The following GLIPR2 variants were observed in gnomAD, a reference collection of about 807,000 sequenced individuals.
GLIPR2 encodes the protein GLI pathogenesis related 2.
Under a neutral mutation model 20.4 loss-of-function variants are expected in GLIPR2, and 21 were observed. The observed-to-expected ratio is 1.03, with a 90% CI of 0.73 to 1.48. GLIPR2 has a LOEUF of 1.48. Ranked by LOEUF, GLIPR2 falls within the 40% of genes most tolerant of loss-of-function variation. The pLI is 0.00. For missense variants in GLIPR2, 205 were observed against 200.1 expected (o/e 1.02, Z -0.15); for synonymous variants, 91 against 80.5 (o/e 1.13, Z -0.70).
chr9:36,142,134 G>T (rs1458210214), intron 1 of GLIPR2, among the ~76,000 whole-genome samples: 2 of 152,224 alleles, frequency 1.3e-5, no homozygotes. Flanking sequence ...CTCTTGAGAA[G>T]CCTTCGTTCT....
chr9:36,154,632 G>A (rs1215952639), intron 4 of GLIPR2, among the ~76,000 whole-genome samples: 1 of 152,186 alleles, frequency 6.6e-6, no homozygotes, highest in African/African-American at 2.4e-5. Context: ...AGGAACCTTC[G>A]TTAGTGGACT....
At chr9:36,148,754 G>C in intron 3 of GLIPR2, 104 bp downstream of exon 3, 1 of 737,294 alleles carries the variant, frequency 1.4e-6, no homozygotes, top group Non-Finnish European at 2.4e-6. Context: ...GTAGCCACAG[G>C]CCCAGGAAAG....
In GLIPR2 at chr9:36,156,515, G is replaced by A. The variant is rs192242616; in HGVS notation, c.304+5566G>A. On this transcript the variant is annotated intron_variant, in intron 4 of 4. Transcript: ENST00000377960. Reference sequence around the variant, plus strand: ...ACATTTACACTGTTATGCAATCATCGCCACCATCCATCTCTAGAATTCTTT... The same window carrying A: ...ACATTTACACTGTTATGCAATCATCACCACCATCCATCTCTAGAATTCTTT... Among the ~76,000 whole-genome samples, 7 of 151,042 alleles carry A rather than the reference G, an allele frequency of 4.6e-5. No homozygotes were observed. In the East Asian group the frequency reaches 5.9e-4, roughly 13 times the overall value.
rs1193007190 is a variant in GLIPR2 at position 36,163,543 on chromosome 9, T to G, written c.*1021T>G. 2.6e-5 allele frequency: 4 copies of G among 153,566 alleles called. No homozygotes were observed. Among genetic ancestry groups the G allele is most frequent in the African/African-American group, 9.6e-5 (4 of 41,492 alleles). The allele number at this position is 153,566 out of a possible 1,614,324, so 9.5% of individuals were successfully genotyped here. A position where few individuals can be genotyped will look rare whatever the true frequency, so the allele number is the denominator to read the frequency against. The stretch of plus-strand genomic sequence containing the variant: ...GCTGTGCTCCTGCTCCCTCCTGGAA[T>G]GTGCGACAAGCCCAAATGTTCCGGG... On this transcript the variant is annotated 3_prime_UTR_variant, in exon 5 of 5. Transcript: ENST00000377960.
intron 2 of GLIPR2, among the ~76,000 whole-genome samples, chr9:36,148,166 TG>T: frequency 6.6e-6 from 1 of 152,002 alleles, no homozygotes; most frequent in South Asian, 2.1e-4. Context: ...GAGAATTGCT[TG>T]AACCCGGGAG....
At chr9:36,158,479 C>T (rs143785837) in intron 4 of GLIPR2, among the ~76,000 whole-genome samples, 36 of 152,332 alleles carry the variant, frequency 2.4e-4, no homozygotes, top group African/African-American at 8.4e-4. Context: ...TGACTTTCCT[C>T]CTCCCTCCCT....
At chr9:36,160,420 G>A (rs1381225049) in intron 4 of GLIPR2, among the ~76,000 whole-genome samples, 3 of 152,154 alleles carry the variant, frequency 2.0e-5, no homozygotes, top group Non-Finnish European at 4.4e-5. Context: ...CTGAGCCCTG[G>A]AGGTGGAAGC....
rs1587165505 is a variant in GLIPR2, at chr9:36,162,174, T to TG, written c.305-183dup. On this transcript the variant is annotated intron_variant, in intron 4 of 4. Coordinates refer to ENST00000377960, the MANE Select transcript of GLIPR2 (RefSeq NM_022343.4). ...TGGGTTACAGAGCGAGACTCCATCT[T>TG]GGGGGAAAAAAAAAGAAGTCAGGCA... is the stretch of plus-strand genomic sequence containing the variant. 12 of 1,426,574 alleles carry TG rather than the reference T, an allele frequency of 8.4e-6. No individual in the cohort carries two copies. The South Asian group carries it at 1.1e-4, about 13-fold the overall frequency. 88.4% of individuals were successfully genotyped at this position (1,426,574 alleles called of 1,614,324 possible).
chr9:36,142,990 C>T (rs546241871), intron 1 of GLIPR2, among the ~76,000 whole-genome samples: 1 of 152,284 alleles, frequency 6.6e-6, no homozygotes, highest in South Asian at 2.1e-4. Context: ...AACCCTGGCT[C>T]AGGAGCCTGG....
intron 4 of GLIPR2, among the ~76,000 whole-genome samples, chr9:36,160,375 C>T (rs1467330715): frequency 6.6e-6 from 1 of 152,080 alleles, no homozygotes; most frequent in African/African-American, 2.4e-5. Flanking sequence ...TGCCTGTGGT[C>T]CCAGCTACTC....
chr9:36,148,375 G>A (rs1026446028), intron 2 of GLIPR2, among the ~76,000 whole-genome samples, 172 bp from the exon 3 acceptor site: 3 of 152,104 alleles, frequency 2.0e-5, no homozygotes, highest in African/African-American at 4.8e-5. Context: ...CCTGAGCCTC[G>A]ACTTGTTCCT....
chr9:36,156,403 A>T (rs1005348301), intron 4 of GLIPR2, among the ~76,000 whole-genome samples: 28 of 148,578 alleles, frequency 1.9e-4, no homozygotes, highest in Admixed American at 3.3e-4. Flanking sequence ...AAAAAAAAAA[A>T]AAAAAAAAAG....
In GLIPR2 at chr9:36,162,859, T is replaced by A. The variant is rs1826120438; in HGVS notation, c.*337T>A. The A allele has an allele frequency of 2.1e-6, 1 of 473,486 alleles. No individual in the cohort carries two copies. Among genetic ancestry groups the A allele is most frequent in the Non-Finnish European group, 4.2e-6 (1 of 240,638 alleles). 29.3% of individuals were successfully genotyped at this position (473,486 alleles called of 1,614,324 possible). A position where few individuals can be genotyped will look rare whatever the true frequency, so the allele number is the denominator to read the frequency against. Reference sequence around the variant, plus strand: ...TACTTCTAATATCCATCCCTGGACTTTTTGTATTCCAAATGTTTGTGATGC... The same window carrying A: ...TACTTCTAATATCCATCCCTGGACTATTTGTATTCCAAATGTTTGTGATGC... On this transcript the variant is annotated 3_prime_UTR_variant, in exon 5 of 5. Transcript: ENST00000377960.
chr9:36,146,995 G>C (rs1003200878), intron 1 of GLIPR2, among the ~76,000 whole-genome samples: 1 of 152,162 alleles, frequency 6.6e-6, no homozygotes, highest in African/African-American at 2.4e-5. Context: ...GTAGGTTTCT[G>C]TGTGGGTCCC....
At chr9:36,151,231 A>T (rs1200822224) in intron 4 of GLIPR2, among the ~76,000 whole-genome samples, 1 of 152,160 alleles carries the variant, frequency 6.6e-6, no homozygotes, top group Non-Finnish European at 1.5e-5. Context: ...AGTGTGTCAT[A>T]GGAGACTGGA....
rs1208449790 is a variant in GLIPR2 at position 36,163,393 on chromosome 9, T to G, written c.*871T>G. 6.3e-6 allele frequency: 1 copy of G among 159,388 alleles called. No individual in the cohort carries two copies. Among genetic ancestry groups the G allele is most frequent in the African/African-American group, 2.4e-5 (1 of 41,440 alleles). 9.9% of individuals were successfully genotyped at this position (159,388 alleles called of 1,614,324 possible). A position where few individuals can be genotyped will look rare whatever the true frequency, so the allele number is the denominator to read the frequency against. ...GGGCTCTTGGCCAAGCGGCCTTGGA[T>G]GGATGAAGTCAGAGAGGTGGGGTGA... On this transcript the variant is annotated 3_prime_UTR_variant, in exon 5 of 5. Coordinates refer to ENST00000377960, the MANE Select transcript of GLIPR2 (RefSeq NM_022343.4).
At chr9:36,140,868 C>G (rs1217673071) in intron 1 of GLIPR2, among the ~76,000 whole-genome samples, 1 of 152,156 alleles carries the variant, frequency 6.6e-6, no homozygotes, top group African/African-American at 2.4e-5. Flanking sequence ...GAGAGGAATC[C>G]TGTCCCGCCT....
chr9:36,147,623 C>T (rs915517874), intron 1 of GLIPR2, among the ~76,000 whole-genome samples, 163 bp from the exon 2 acceptor site: 2 of 152,232 alleles, frequency 1.3e-5, no homozygotes, highest in Admixed American at 1.3e-4. Context: ...TGAGCAGTGG[C>T]GTGGAGCAGG....
At chr9:36,138,280 A>C (rs868203437) in intron 1 of GLIPR2, among the ~76,000 whole-genome samples, 4 of 151,538 alleles carry the variant, frequency 2.6e-5, no homozygotes, top group Non-Finnish European at 5.9e-5. Context: ...GCTGGAGTGC[A>C]GTGGTGCGAT....
Sources: allele counts gnomAD v4.1 joint callset (sites outside exome capture counted in the v4.1 genomes callset), GRCh38; gene constraint gnomAD v4.1.1; transcripts MANE v1.5; gene names NCBI Gene and HGNC (gene_info 2026-07-23, HGNC 2026-07-21).